MAST4: variants seen among roughly 807,000 people sequenced by gnomAD.
MAST4 encodes the protein microtubule associated serine/threonine kinase family member 4.
Under a neutral mutation model 162.7 loss-of-function variants are expected in MAST4, and 89 were observed. The observed-to-expected ratio is 0.55, with a 90% confidence interval of 0.46 to 0.65. The LOEUF (loss-of-function observed/expected upper bound fraction) is 0.65. MAST4 is among the 30% of genes least tolerant of loss of function. MAST4 has a pLI of 0.00. For synonymous variants in MAST4, 1,479 were observed against 1,361.1 expected, an observed-to-expected ratio of 1.09 and a Z score of -1.91; for missense variants, 3,153 against 3,374.0, an observed-to-expected ratio of 0.93 and a Z score of 1.62.
chr5:67,058,840 A>G (rs917385770), intron 5 of MAST4, among the ~76,000 whole-genome samples: 9 of 152,266 alleles, frequency 5.9e-5, no homozygotes, highest in African/African-American at 2.2e-4. Context: ...AATAAAAAGA[A>G]GGCTGTAAAA....
intron 1 of MAST4, among the ~76,000 whole-genome samples, chr5:66,749,384 A>T (rs1435721678): frequency 6.6e-6 from 1 of 152,206 alleles, no homozygotes; most frequent in Non-Finnish European, 1.5e-5. Context: ...AGCATAGGCG[A>T]TCACACCCTA....
At chr5:66,929,430 A>G (rs1171176346) in intron 4 of MAST4, among the ~76,000 whole-genome samples, 1 of 152,180 alleles carries the variant, frequency 6.6e-6, no homozygotes, top group Non-Finnish European at 1.5e-5. Flanking sequence ...CTCATATGTC[A>G]ATCAGTCTCC....
intron 4 of MAST4, among the ~76,000 whole-genome samples, chr5:67,024,563 T>C (rs1437229856): frequency 8.6e-5 from 13 of 151,938 alleles, no homozygotes; most frequent in Admixed American, 7.2e-4. Context: ...TCCTAAGTAA[T>C]GTGTAAGTAC....
chr5:67,043,400 T>G (rs1350522886), intron 4 of MAST4, among the ~76,000 whole-genome samples: 4 of 152,164 alleles, frequency 2.6e-5, no homozygotes, highest in Non-Finnish European at 5.9e-5. Context: ...ATAAAAGCAA[T>G]GCAATTGGGA....
chr5:67,040,602 G>A (rs776556522), intron 4 of MAST4, among the ~76,000 whole-genome samples: 2 of 152,174 alleles, frequency 1.3e-5, no homozygotes, highest in Non-Finnish European at 2.9e-5. Flanking sequence ...ACAATCTGAT[G>A]TAAAGCTCCA....
intron 7 of MAST4, among the ~76,000 whole-genome samples, chr5:67,099,167 A>C (rs1243551884): frequency 6.8e-6 from 1 of 147,640 alleles, no homozygotes; most frequent in Non-Finnish European, 1.5e-5. Flanking sequence ...GCTTGCATTG[A>C]TTTTATTTTA....
intron 1 of MAST4, among the ~76,000 whole-genome samples, chr5:66,691,777 T>G (rs1749056068): frequency 6.6e-6 from 1 of 152,158 alleles, no homozygotes; most frequent in Admixed American, 6.5e-5. Flanking sequence ...CACAAAGCCC[T>G]GCCTCCTAAT....
At chr5:67,156,721 G>A (rs1772583586) in intron 26 of MAST4, among the ~76,000 whole-genome samples, 2 of 152,242 alleles carry the variant, frequency 1.3e-5, no homozygotes, top group South Asian at 2.1e-4. Flanking sequence ...AGGATACAGT[G>A]TGCAAGATGG....
intron 12 of MAST4, among the ~76,000 whole-genome samples, chr5:67,116,465 C>G (rs960069693): frequency 7.9e-5 from 12 of 151,688 alleles, no homozygotes; most frequent in Non-Finnish European, 1.8e-4. Flanking sequence ...CTCGGCCTCC[C>G]AAAGTGCTGG....
intron 4 of MAST4, among the ~76,000 whole-genome samples, chr5:67,000,756 A>AGTG (rs1554079055): frequency 7.1e-6 from 1 of 141,334 alleles, no homozygotes; most frequent in Non-Finnish European, 1.5e-5. Flanking sequence ...CTAAAAAAAA[A>AGTG]GGGGGGGGGT....
At chr5:66,976,930 T>C (rs1748211825) in intron 4 of MAST4, among the ~76,000 whole-genome samples, 1 of 152,198 alleles carries the variant, frequency 6.6e-6, no homozygotes, top group African/African-American at 2.4e-5. Context: ...TAGTTTTCTA[T>C]TGATGATGAT....
chr5:66,769,221 A>G (rs973170924), intron 2 of MAST4, among the ~76,000 whole-genome samples: 1 of 152,172 alleles, frequency 6.6e-6, no homozygotes, highest in African/African-American at 2.4e-5. Flanking sequence ...AGGGTCATTC[A>G]TAAGAGTGGT....
At chr5:66,930,557 A>G (rs1341715928) in intron 4 of MAST4, among the ~76,000 whole-genome samples, 2 of 152,220 alleles carry the variant, frequency 1.3e-5, no homozygotes, top group Non-Finnish European at 2.9e-5. Context: ...AAGGATTTGA[A>G]CAGATTGGAA....
chr5:66,826,265 G>T, intron 3 of MAST4, among the ~76,000 whole-genome samples: 1 of 151,308 alleles, frequency 6.6e-6, no homozygotes, highest in Non-Finnish European at 1.5e-5. Context: ...TGGTATGATG[G>T]TCATAATCCT....
intron 4 of MAST4, chr5:66,986,620 T>TATATATATA (rs58502962): frequency 1.7e-4 from 30 of 179,678 alleles, no homozygotes; most frequent in Admixed American, 3.6e-4. Context: ...ATATATATAT[T>TATATATATA]TATTTATTTA....
chr5:66,870,985 A>C (rs1760890653), intron 3 of MAST4: 1 of 375,940 alleles, frequency 2.7e-6, no homozygotes, highest in Non-Finnish European at 5.3e-6. Flanking sequence ...GAGGAGTCAA[A>C]GTCTTCTCTA....
At chr5:67,151,529 C>T (rs998022389) in intron 24 of MAST4, among the ~76,000 whole-genome samples, 1 of 152,136 alleles carries the variant, frequency 6.6e-6, no homozygotes, top group African/African-American at 2.4e-5. Context: ...CAGAGCATAG[C>T]AGTTTGCTTC....
intron 11 of MAST4, among the ~76,000 whole-genome samples, chr5:67,110,966 A>G (rs575266637): frequency 3.1e-4 from 47 of 152,288 alleles, no homozygotes; most frequent in Non-Finnish European, 4.7e-4. Context: ...GGAGGTTGCA[A>G]TGAGCTGAGA....
chr5:66,975,110 A>C (rs1747964711), intron 4 of MAST4, among the ~76,000 whole-genome samples: 1 of 152,152 alleles, frequency 6.6e-6, no homozygotes, highest in South Asian at 2.1e-4. Context: ...GAGAGAGGCC[A>C]AGGGGGATTT....
Sources: gnomAD v4.1 joint callset for allele counts (sites outside exome capture counted in the v4.1 genomes callset) on GRCh38, gnomAD v4.1.1 for gene constraint, MANE v1.5 for transcripts, NCBI Gene and HGNC (gene_info 2026-07-23, HGNC 2026-07-21) for gene names.